The following NBEA variants were observed in gnomAD, a reference collection of about 807,000 sequenced individuals.
NBEA encodes neurobeachin.
Under a neutral mutation model 343.4 loss-of-function variants are expected in NBEA, and 44 were observed. That is an observed-to-expected ratio of 0.13 (90% CI 0.10 to 0.16). The LOEUF (loss-of-function observed/expected upper bound fraction) is 0.16. Ranked by LOEUF, NBEA falls within the 10% of genes least tolerant of loss-of-function variation. The pLI, the probability that NBEA is intolerant of heterozygous loss-of-function variation, is 1.00. For synonymous variants in NBEA, 1,175 were observed against 1,238.7 expected, an observed-to-expected ratio of 0.95 and a Z score of 1.08; for missense variants, 2,555 against 3,631.3, an observed-to-expected ratio of 0.70 and a Z score of 7.62.
intron 34 of NBEA, among the ~76,000 whole-genome samples, chr13:35,276,049 C>G (rs1188699173): frequency 1.3e-5 from 2 of 152,070 alleles, no homozygotes; most frequent in Admixed American, 6.6e-5. Flanking sequence ...GATGGCATAT[C>G]TGAACATCTG....
chr13:35,103,888 T>C (rs1442078676), intron 11 of NBEA, among the ~76,000 whole-genome samples: 1 of 151,872 alleles, frequency 6.6e-6, no homozygotes, highest in Non-Finnish European at 1.5e-5. Flanking sequence ...TCAGTTGATA[T>C]CATCTTAGTT....
At chr13:34,987,410 T>G (rs1434508021) in intron 1 of NBEA, among the ~76,000 whole-genome samples, 1 of 151,078 alleles carries the variant, frequency 6.6e-6, no homozygotes, top group East Asian at 1.9e-4. Context: ...GACCTTTCTC[T>G]CTGGCTGCCC....
chr13:34,945,915 A>G (rs1486928652), intron 1 of NBEA, among the ~76,000 whole-genome samples: 3 of 152,100 alleles, frequency 2.0e-5, no homozygotes, highest in Non-Finnish European at 4.4e-5. Context: ...CGGTGGCTGT[A>G]ATTTTTCTGC....
intron 41 of NBEA, among the ~76,000 whole-genome samples, chr13:35,533,291 CT>C (rs1384651346): frequency 6.6e-6 from 1 of 151,990 alleles, no homozygotes; most frequent in Non-Finnish European, 1.5e-5. Context: ...TGTGATTTAT[CT>C]ATTTGAGCTT....
chr13:35,264,237 A>G (rs2033468678), intron 34 of NBEA, among the ~76,000 whole-genome samples: 1 of 152,118 alleles, frequency 6.6e-6, no homozygotes, highest in Non-Finnish European at 1.5e-5. Flanking sequence ...GAACAGATCA[A>G]TAATGAGTAG....
intron 30 of NBEA, among the ~76,000 whole-genome samples, chr13:35,187,003 A>T (rs1327327268): frequency 6.6e-6 from 1 of 152,150 alleles, no homozygotes; most frequent in Non-Finnish European, 1.5e-5. Context: ...AAGTTTTAAA[A>T]GTTTAAACTT....
Position 35,037,650 on chromosome 13 carries a change from T to G in NBEA, c.295-3283T>G, listed in dbSNP as rs140286063. 8.7e-3 allele frequency among the ~76,000 whole-genome samples: 1,326 copies of G among 152,296 alleles called. 19 individuals are homozygous for G. The highest frequency in any genetic ancestry group is 0.03 in the African/African-American group (1,251 of 41,564). On this transcript the variant is annotated intron_variant, in intron 1 of 58. Coordinates refer to ENST00000379939, the MANE Select transcript of NBEA (RefSeq NM_001385012.1). Reference sequence around the variant, plus strand: ...ATTCTCTAGATTACCAGGCAGAATCTCTTGTTCTCTTTCCTTACTTTCTCC... The same window carrying G: ...ATTCTCTAGATTACCAGGCAGAATCGCTTGTTCTCTTTCCTTACTTTCTCC...
chr13:35,382,774 A>C (rs1349302618), intron 38 of NBEA, among the ~76,000 whole-genome samples: 1 of 152,148 alleles, frequency 6.6e-6, no homozygotes, highest in East Asian at 1.9e-4. Context: ...ATGATAAAAA[A>C]TTTCATAAGC....
At chr13:35,381,991 A>G (rs924638562) in intron 38 of NBEA, among the ~76,000 whole-genome samples, 1 of 152,176 alleles carries the variant, frequency 6.6e-6, no homozygotes, top group South Asian at 2.1e-4. Context: ...AACAACAATT[A>G]TTCTCTAGCC....
chr13:34,950,248 G>A (rs890975679), intron 1 of NBEA, among the ~76,000 whole-genome samples: 21 of 152,096 alleles, frequency 1.4e-4, no homozygotes, highest in African/African-American at 4.3e-4. Flanking sequence ...AGGTGCTTTC[G>A]CTGGGGTTGC....
chr13:35,259,311 G>C (rs1214874496), intron 34 of NBEA, among the ~76,000 whole-genome samples: 1 of 152,124 alleles, frequency 6.6e-6, no homozygotes, highest in Non-Finnish European at 1.5e-5. Flanking sequence ...ATTGACTGCA[G>C]AAAGCATTTA....
intron 10 of NBEA, among the ~76,000 whole-genome samples, chr13:35,079,090 T>C (rs960937805): frequency 3.9e-5 from 6 of 152,058 alleles, no homozygotes; most frequent in Non-Finnish European, 7.4e-5. Flanking sequence ...AAATTTAGGG[T>C]ACAAAATGAC....
In NBEA at chr13:35,598,956, A is replaced by T. The variant is rs142732143; in HGVS notation, c.7296+5509A>T. ...CTTCCTGAGTTCATCTCTCTCTTGC[A>T]TAGCTTATCTCTTTTGCATAGCTTA... On this transcript the variant is annotated intron_variant, in intron 47 of 58. Coordinates refer to ENST00000379939, the MANE Select transcript of NBEA (RefSeq NM_001385012.1). 6.8e-3 allele frequency among the ~76,000 whole-genome samples: 1,043 copies of T among 152,284 alleles called. 5 individuals are homozygous for T. The highest frequency in any genetic ancestry group is 0.027 in the Middle Eastern group (8 of 294).
At chr13:35,304,232 G>A (rs191906194) in intron 35 of NBEA, among the ~76,000 whole-genome samples, 1 of 152,196 alleles carries the variant, frequency 6.6e-6, no homozygotes, top group East Asian at 1.9e-4. Flanking sequence ...GAGCAACTCA[G>A]GCCTTCTGAG....
At chr13:35,264,174 A>T (rs540612591) in intron 34 of NBEA, among the ~76,000 whole-genome samples, 103 of 151,992 alleles carry the variant, frequency 6.8e-4, no homozygotes, top group African/African-American at 2.3e-3. Flanking sequence ...TGAAAAAAAA[A>T]ATCTAGATAC....
intron 38 of NBEA, among the ~76,000 whole-genome samples, chr13:35,425,995 G>C (rs1207088781): frequency 1.3e-5 from 2 of 152,030 alleles, no homozygotes; most frequent in Admixed American, 6.6e-5. Context: ...TTTTCCATTT[G>C]CTTGGTAGAT....
At chr13:35,403,046 G>A (rs1391622065) in intron 38 of NBEA, among the ~76,000 whole-genome samples, 1 of 152,016 alleles carries the variant, frequency 6.6e-6, no homozygotes, top group South Asian at 2.1e-4. Flanking sequence ...AAATCCATAA[G>A]CATGTTTAAC....
intron 2 of NBEA, among the ~76,000 whole-genome samples, chr13:35,043,563 T>C (rs539263971): frequency 2.6e-5 from 4 of 152,034 alleles, no homozygotes; most frequent in African/African-American, 9.6e-5. Context: ...TTTTGACCTA[T>C]ATGTACTAAT....
At chr13:35,216,039 CCT>C (rs1417442612) in intron 33 of NBEA, among the ~76,000 whole-genome samples, 1 of 150,302 alleles carries the variant, frequency 6.7e-6, no homozygotes, top group East Asian at 1.9e-4. Flanking sequence ...AATGATGTTC[CCT>C]CTTTCATTTC....
Sources: allele counts gnomAD v4.1 joint callset (sites outside exome capture counted in the v4.1 genomes callset), GRCh38; gene constraint gnomAD v4.1.1; transcripts MANE v1.5; gene names NCBI Gene and HGNC (gene_info 2026-07-23, HGNC 2026-07-21).